The following ANTXRL variants were observed in gnomAD, a reference collection of about 807,000 sequenced individuals.
ANTXRL encodes the protein ANTXR like.
In ANTXRL, 63 loss-of-function variants were observed where a neutral mutation model predicts 75.4. That is an observed-to-expected ratio of 0.84 (90% CI 0.68 to 1.03). The LOEUF is 1.03. Among genes scored for constraint, ANTXRL ranks in the 50% least tolerant of loss-of-function variants. The pLI is 0.00. For synonymous variants in ANTXRL, 335 were observed against 291.3 expected (o/e 1.15, Z -1.53); for missense variants, 797 against 789.4 (o/e 1.01, Z -0.12).
At chr10:46,293,984 C>G in intron 3 of ANTXRL, 84 bp downstream of exon 3, 2 of 1,331,898 alleles carry the variant, frequency 1.5e-6, no homozygotes, top group Non-Finnish European at 2.1e-6. Context: ...TCCCGGAGAC[C>G]TTGGTTGGGA....
chr10:46,297,383 A>G, intron 6 of ANTXRL, 23 bp from the exon 7 acceptor site: 2 of 1,536,088 alleles, frequency 1.3e-6, no homozygotes. Context: ...GATGACCAAT[A>G]TGCAATGCCT....
At position 46,297,953 on chromosome 10, in the gene ANTXRL, G is replaced by A. The variant is rs1298889897; in HGVS notation, c.735+42G>A. On this transcript the variant is annotated intron_variant, in intron 8 of 16. Coordinates refer to ENST00000620264, the MANE Select transcript of ANTXRL (RefSeq NM_001278688.3). ...GAGGGGCTGGGGACCTGGATCCTTTGGCAGGAAGCTCACTCTCCCTGTCCC... is the reference window on the plus strand; with the variant it reads ...GAGGGGCTGGGGACCTGGATCCTTTAGCAGGAAGCTCACTCTCCCTGTCCC... The A allele has an allele frequency of 8.5e-6, 13 of 1,535,798 alleles. No homozygotes were observed. The Admixed American group carries it at 2.6e-4, about 30-fold the overall frequency.
chr10:46,302,708 T>A lies in ANTXRL; in HGVS notation c.797-14T>A, dbSNP rs1837828678. The A allele has an allele frequency of 7.2e-6, 11 of 1,526,114 alleles. No homozygotes were observed. The highest frequency in any genetic ancestry group is 9.7e-6 in the Non-Finnish European group (11 of 1,137,698). 94.5% of individuals were successfully genotyped at this position (1,526,114 alleles called of 1,614,324 possible). The stretch of plus-strand genomic sequence containing the variant: ...ACTCTTCCTCACTCAGCCTTTTGAA[T>A]GTTGTCCTTGCAGAACCCTACCATG... On this transcript the variant is annotated splice_polypyrimidine_tract_variant and intron_variant, in intron 9 of 16. Transcript: ENST00000620264.
chr10:46,303,700 A>T (rs1199235365), intron 10 of ANTXRL, among the ~76,000 whole-genome samples: 1 of 152,016 alleles, frequency 6.6e-6, no homozygotes, highest in African/African-American at 2.4e-5. Flanking sequence ...TATTTTTTTT[A>T]AATCTCCTAT....
intron 3 of ANTXRL, chr10:46,294,223 C>T (rs1394440498): frequency 8.3e-5 from 32 of 385,898 alleles, no homozygotes; most frequent in Non-Finnish European, 1.2e-4. Flanking sequence ...GCTGGCAGGG[C>T]GGGGGTGTGT....
chr10:46,327,468 C>T (rs543067988), intron 16 of ANTXRL, among the ~76,000 whole-genome samples: 8 of 152,134 alleles, frequency 5.3e-5, no homozygotes, highest in Admixed American at 5.2e-4. Context: ...GGAGGGTGGA[C>T]AGGCAGCTGC....
intron 16 of ANTXRL, among the ~76,000 whole-genome samples, chr10:46,314,729 A>G (rs1838626819): frequency 6.6e-6 from 1 of 152,158 alleles, no homozygotes; most frequent in African/African-American, 2.4e-5. Context: ...CATCATGTGA[A>G]GTCCACCTTG....
At chr10:46,313,804 T>TTA in intron 16 of ANTXRL, among the ~76,000 whole-genome samples, 1 of 152,308 alleles carries the variant, frequency 6.6e-6, no homozygotes, top group African/African-American at 2.4e-5. Flanking sequence ...GGTGCTATTA[T>TTA]TATCCAGTTT....
chr10:46,297,793 T>C, intron 7 of ANTXRL, 38 bp from the exon 8 acceptor site: 1 of 1,509,976 alleles, frequency 6.6e-7, no homozygotes, highest in Non-Finnish European at 8.9e-7. Context: ...CATCCTCACC[T>C]CCTGGTGGGG....
chr10:46,314,811 G>A (rs1838633123), intron 16 of ANTXRL, among the ~76,000 whole-genome samples: 1 of 152,106 alleles, frequency 6.6e-6, no homozygotes, highest in Non-Finnish European at 1.5e-5. Flanking sequence ...GGCCCAGAGA[G>A]TTGCCTAAGG....
intron 16 of ANTXRL, among the ~76,000 whole-genome samples, chr10:46,328,082 A>G (rs1554966838): frequency 6.6e-6 from 1 of 152,128 alleles, no homozygotes; most frequent in Non-Finnish European, 1.5e-5. Context: ...CTAGAAGGAC[A>G]GGGCACTTCC....
chr10:46,293,320 C>T (rs537460106), intron 2 of ANTXRL, among the ~76,000 whole-genome samples: 5,134 of 70,558 alleles, frequency 0.073, 152 homozygotes, highest in African/African-American at 0.14. Context: ...GCGTGTGTGC[C>T]TGTGTGTGAG....
intron 1 of ANTXRL, among the ~76,000 whole-genome samples, chr10:46,287,758 C>T (rs1183153817): frequency 1.3e-5 from 2 of 152,142 alleles, no homozygotes; most frequent in African/African-American, 2.4e-5. Flanking sequence ...CGATTCCCTA[C>T]CCCTCCATCA....
At position 46,310,476 on chromosome 10, in the gene ANTXRL, C is replaced by T. The variant is rs1163499679; in HGVS notation, c.1150C>T (p.Pro384Ser). The T allele has an allele frequency of 1.2e-5, 18 of 1,536,360 alleles. No homozygotes were observed. In the African/African-American group the frequency reaches 1.9e-4, roughly 16 times the overall value. The change falls in exon 14 of 17, where the codon CCA (proline) becomes TCA (serine). Residue 384 changes from proline (P) to serine (S), a missense_variant. Physicochemically the swap from Pro to Ser is moderately conservative, Grantham distance 74. Transcript: ENST00000620264. The stretch of plus-strand genomic sequence containing the variant: ...AACATTCTAGACTGTCAAGGAGCCA[C>T]CACCTGTGCAGAAGCCAGAAAAGGT... ...LCRKQTVKEP[P>S]PVQKPEKEPE...
chr10:46,329,489 G>A (rs1170061349), intron 16 of ANTXRL, 110 bp from the exon 17 acceptor site: 38 of 1,387,248 alleles, frequency 2.7e-5, no homozygotes, highest in South Asian at 1.5e-5. Flanking sequence ...GGCCCACCCT[G>A]TGGGTCCCGA....
chr10:46,310,073 G>T (rs1414740070), intron 13 of ANTXRL, among the ~76,000 whole-genome samples: 1 of 152,158 alleles, frequency 6.6e-6, no homozygotes, highest in African/African-American at 2.4e-5. Flanking sequence ...CAGCCATGAG[G>T]CTGGGAGGTC....
intron 16 of ANTXRL, 99 bp from the exon 17 acceptor site, chr10:46,329,500 T>G: frequency 7.0e-7 from 1 of 1,430,120 alleles, no homozygotes; most frequent in Non-Finnish European, 9.2e-7. Flanking sequence ...TGGGTCCCGA[T>G]GGGTCCTGGC....
chr10:46,309,295 T>C lies in ANTXRL; in HGVS notation c.1134+93T>C. 2.6e-6 allele frequency: 4 copies of C among 1,523,284 alleles called. No homozygotes were observed. In the South Asian group the frequency reaches 4.8e-5, roughly 18 times the overall value. 94.4% of individuals were successfully genotyped at this position (1,523,284 alleles called of 1,614,324 possible). On this transcript the variant is annotated intron_variant, in intron 13 of 16. Coordinates refer to ENST00000620264, the MANE Select transcript of ANTXRL (RefSeq NM_001278688.3). The stretch of plus-strand genomic sequence containing the variant: ...TGTGACTGCCCCCCGTGATCCCGCC[T>C]GTGGGAAGTTTCCCTCAGCTCCCAG...
intron 3 of ANTXRL, 43 bp from the exon 4 acceptor site, chr10:46,295,972 ACAGT>A: frequency 6.8e-7 from 1 of 1,471,414 alleles, no homozygotes; most frequent in Non-Finnish European, 9.2e-7. Context: ...CTGATTTTTA[ACAGT>A]CAATGTCTTT....
Sources: allele counts gnomAD v4.1 joint callset (sites outside exome capture counted in the v4.1 genomes callset), GRCh38; gene constraint gnomAD v4.1.1; transcripts MANE v1.5; gene names NCBI Gene and HGNC (gene_info 2026-07-23, HGNC 2026-07-21).